Variants in PRSS23 observed in about 807,000 individuals in gnomAD.
PRSS23 encodes protease, serine 23.
Under a neutral mutation model 34.7 loss-of-function variants are expected in PRSS23, and 25 were observed. That is an observed-to-expected ratio of 0.72 (90% CI 0.53 to 1.01). PRSS23 has a LOEUF of 1.01. Among genes scored for constraint, PRSS23 ranks in the 50% least tolerant of loss-of-function variants. The pLI is 0.00. For synonymous variants in PRSS23, 176 were observed against 186.6 expected (o/e 0.94, Z 0.46); for missense variants, 445 against 475.6 (o/e 0.94, Z 0.60).
chr11:86,935,424 C>G (rs1185039614), intron 2 of PRSS23: 3 of 152,232 alleles, frequency 2.0e-5, no homozygotes, highest in Non-Finnish European at 4.4e-5. Context: ...ACAACTCAGC[C>G]CAGGAGCTTA....
At chr11:86,802,548 A>C (rs535675662) in intron 1 of PRSS23, among the ~76,000 whole-genome samples, 29 of 152,316 alleles carry the variant, frequency 1.9e-4, no homozygotes, top group African/African-American at 6.0e-4. Flanking sequence ...CACTGATTCC[A>C]TGGAAGACCC....
intron 2 of PRSS23, among the ~76,000 whole-genome samples, chr11:86,830,810 T>A (rs1410920665): frequency 6.6e-6 from 1 of 152,114 alleles, no homozygotes; most frequent in Non-Finnish European, 1.5e-5. Context: ...TCTCACTGGG[T>A]GTACACCCTG....
chr11:86,802,819 C>G (rs1184566765), intron 1 of PRSS23, among the ~76,000 whole-genome samples: 1 of 152,192 alleles, frequency 6.6e-6, no homozygotes, highest in Admixed American at 6.5e-5. Flanking sequence ...ACAGTAGTCA[C>G]TGCATCCAGT....
chr11:86,852,511 G>A (rs369046749), intron 2 of PRSS23, among the ~76,000 whole-genome samples: 2 of 151,936 alleles, frequency 1.3e-5, no homozygotes, highest in African/African-American at 4.8e-5. Flanking sequence ...AGATCCAACT[G>A]CTTTAATTTT....
intron 2 of PRSS23, among the ~76,000 whole-genome samples, chr11:86,852,456 G>C (rs1948537311): frequency 6.6e-6 from 1 of 152,108 alleles, no homozygotes; most frequent in African/African-American, 2.4e-5. Context: ...CCTCTAATCA[G>C]GAGAAAGCTT....
chr11:86,879,645 C>T (rs1319673127), intron 2 of PRSS23, among the ~76,000 whole-genome samples: 1 of 129,962 alleles, frequency 7.7e-6, no homozygotes, highest in Non-Finnish European at 1.7e-5. Context: ...CCCCTCTGCC[C>T]GGCCAGCCGC....
intron 1 of PRSS23, 53 bp downstream of exon 1, chr11:86,800,704 G>T: frequency 1.6e-5 from 15 of 945,620 alleles, no homozygotes; most frequent in Non-Finnish European, 1.8e-5. Flanking sequence ...GAGGCGAGGC[G>T]CCGGGAGGAG....
chr11:86,916,125 G>T (rs1949011167), intron 2 of PRSS23, among the ~76,000 whole-genome samples: 1 of 152,094 alleles, frequency 6.6e-6, no homozygotes, highest in African/African-American at 2.4e-5. Flanking sequence ...TATATGACCA[G>T]ACCAGAATAA....
At chr11:86,950,972 G>A in intron 2 of PRSS23, 1 of 710,966 alleles carries the variant, frequency 1.4e-6, no homozygotes. Flanking sequence ...CAAAATCATT[G>A]GTTTTTTGAT....
At chr11:86,824,164 CG>C (rs1565356467) in intron 2 of PRSS23, among the ~76,000 whole-genome samples, 1 of 151,116 alleles carries the variant, frequency 6.6e-6, no homozygotes, top group Non-Finnish European at 1.5e-5. Flanking sequence ...AAAAATTAGC[CG>C]GGCATGGCCC....
At chr11:86,925,736 TA>T (rs1171240276) in intron 2 of PRSS23, among the ~76,000 whole-genome samples, 12 of 152,234 alleles carry the variant, frequency 7.9e-5, no homozygotes, top group African/African-American at 2.9e-4. Flanking sequence ...ATGACTTTTG[TA>T]AGACTTTCCA....
intron 2 of PRSS23, among the ~76,000 whole-genome samples, chr11:86,896,845 G>T (rs1307672918): frequency 6.6e-6 from 1 of 152,198 alleles, no homozygotes; most frequent in African/African-American, 2.4e-5. Flanking sequence ...ACACTTTCCT[G>T]CCTGGAAATG....
intron 2 of PRSS23, among the ~76,000 whole-genome samples, chr11:86,917,893 C>A (rs567418705): frequency 1.3e-5 from 2 of 152,150 alleles, no homozygotes; most frequent in Non-Finnish European, 2.9e-5. Flanking sequence ...TTAATAGATG[C>A]GAAGACCTAA....
intron 2 of PRSS23, among the ~76,000 whole-genome samples, chr11:86,898,439 A>G (rs1948890949): frequency 6.6e-6 from 1 of 152,220 alleles, no homozygotes; most frequent in Non-Finnish European, 1.5e-5. Context: ...TTTTTTGTTG[A>G]GGATCAGAAT....
chr11:86,818,869 A>G (rs1180213264), intron 1 of PRSS23, among the ~76,000 whole-genome samples: 1 of 152,164 alleles, frequency 6.6e-6, no homozygotes, highest in Non-Finnish European at 1.5e-5. Context: ...GCCATTAATG[A>G]TGGTGGTGAA....
Position 86,808,878 on chromosome 11 carries a change from G to A in PRSS23, c.*83G>A. On this transcript the variant is annotated 3_prime_UTR_variant, in exon 2 of 2. Coordinates refer to ENST00000280258, the MANE Select transcript of PRSS23 (RefSeq NM_007173.6). ...CCAAATTGTTTTTTGTCATTGGCGT[G>A]CACACGTGTGTGTGTGTGTGTGTGT... 1.7e-6 allele frequency: 2 copies of A among 1,157,466 alleles called. No homozygotes were observed. The highest frequency in any genetic ancestry group is 3.2e-5 in the African/African-American group (2 of 62,202). The allele number at this position is 1,157,466 out of a possible 1,614,324, so 71.7% of individuals were successfully genotyped here. A position where few individuals can be genotyped will look rare whatever the true frequency, so the allele number is the denominator to read the frequency against.
At chr11:86,851,768 G>C (rs372204019) in intron 2 of PRSS23, among the ~76,000 whole-genome samples, 2 of 152,302 alleles carry the variant, frequency 1.3e-5, no homozygotes, top group Admixed American at 6.5e-5. Context: ...CTCAGTAAGA[G>C]TTCTTGGTGC....
At chr11:86,826,239 G>A (rs1948299786) in intron 2 of PRSS23, among the ~76,000 whole-genome samples, 1 of 151,420 alleles carries the variant, frequency 6.6e-6, no homozygotes, top group Non-Finnish European at 1.5e-5. Context: ...TCTCTTTGAA[G>A]CAATTGTGAA....
At chr11:86,844,966 G>C (rs1218249881) in intron 2 of PRSS23, among the ~76,000 whole-genome samples, 3 of 151,978 alleles carry the variant, frequency 2.0e-5, no homozygotes, top group Non-Finnish European at 4.4e-5. Flanking sequence ...GTGCATACCT[G>C]TTACCCTAGC....
Sources: gnomAD v4.1 joint callset for allele counts (sites outside exome capture counted in the v4.1 genomes callset) on GRCh38, gnomAD v4.1.1 for gene constraint, MANE v1.5 for transcripts, NCBI Gene and HGNC (gene_info 2026-07-23, HGNC 2026-07-21) for gene names.